Variants in HS6ST3 observed in about 807,000 individuals in gnomAD.
The protein encoded by HS6ST3 is heparan sulfate 6-O-sulfotransferase 3, also known as heparan-sulfate 6-O-sulfotransferase 3.
HS6ST3 carries 12 observed loss-of-function variants against 36.7 expected under a neutral mutation model. The ratio of observed to expected loss-of-function variants is 0.33; its 90% CI spans 0.21 to 0.53. HS6ST3 has a LOEUF of 0.53. Among genes scored for constraint, HS6ST3 ranks in the 20% least tolerant of loss-of-function variants. The pLI is 0.95. For synonymous variants in HS6ST3, 240 were observed against 257.5 expected, an observed-to-expected ratio of 0.93 and a Z score of 0.65; for missense variants, 584 against 640.9, an observed-to-expected ratio of 0.91 and a Z score of 0.96.
At chr13:96,424,097 A>T (rs1407039294) in intron 1 of HS6ST3, among the ~76,000 whole-genome samples, 1 of 152,240 alleles carries the variant, frequency 6.6e-6, no homozygotes, top group African/African-American at 2.4e-5. Flanking sequence ...TAGCTAGTTC[A>T]GTAATATGAA....
chr13:96,283,124 G>C (rs2054783728), intron 1 of HS6ST3, among the ~76,000 whole-genome samples: 1 of 152,162 alleles, frequency 6.6e-6, no homozygotes, highest in Non-Finnish European at 1.5e-5. Context: ...GTTGATGATG[G>C]TGATGCAGAG....
intron 1 of HS6ST3, among the ~76,000 whole-genome samples, chr13:96,797,884 T>A (rs1877951330): frequency 6.6e-6 from 1 of 151,946 alleles, no homozygotes; most frequent in African/African-American, 2.4e-5. Context: ...TACCTGAAGA[T>A]AGCATCAGAT....
intron 1 of HS6ST3, among the ~76,000 whole-genome samples, chr13:96,243,591 G>A (rs2054571511): frequency 6.6e-6 from 1 of 152,184 alleles, no homozygotes; most frequent in Non-Finnish European, 1.5e-5. Flanking sequence ...GCTGCTGTGT[G>A]TGTCATTAGA....
At chr13:96,101,589 A>G (rs2053818597) in intron 1 of HS6ST3, among the ~76,000 whole-genome samples, 2 of 152,074 alleles carry the variant, frequency 1.3e-5, no homozygotes, top group African/African-American at 4.8e-5. Context: ...CCCTCAATTC[A>G]CTGCTTGAAT....
At chr13:96,146,553 T>G (rs950598074) in intron 1 of HS6ST3, among the ~76,000 whole-genome samples, 2 of 152,186 alleles carry the variant, frequency 1.3e-5, no homozygotes, top group Non-Finnish European at 2.9e-5. Context: ...TTCAAAGACA[T>G]TACACAGAAA....
rs776500856 is a variant in HS6ST3, at chr13:96,439,467, T to C, written c.707+347898T>C. 2.0e-5 allele frequency among the ~76,000 whole-genome samples: 3 copies of C among 152,328 alleles called. No homozygotes were observed. The South Asian group carries it at 6.2e-4, about 32-fold the overall frequency. On this transcript the variant is annotated intron_variant, in intron 1 of 1. Transcript: ENST00000376705. ...GTTCAAAGCAATTCAAATAAATTAA[T>C]TGTAAATCACAGCGAGGAGACAGCA...
intron 1 of HS6ST3, among the ~76,000 whole-genome samples, chr13:96,811,659 C>A (rs1204615367): frequency 6.6e-6 from 1 of 152,126 alleles, no homozygotes; most frequent in Non-Finnish European, 1.5e-5. Flanking sequence ...TAGGAGACCT[C>A]ATTAAAAACA....
At chr13:96,665,187 T>G (rs2056659480) in intron 1 of HS6ST3, among the ~76,000 whole-genome samples, 1 of 151,936 alleles carries the variant, frequency 6.6e-6, no homozygotes, top group South Asian at 2.1e-4. Flanking sequence ...AATAAATAAA[T>G]AAATAAACAA....
intron 1 of HS6ST3, among the ~76,000 whole-genome samples, chr13:96,760,017 A>C (rs1415794188): frequency 6.6e-6 from 1 of 151,956 alleles, no homozygotes; most frequent in Non-Finnish European, 1.5e-5. Flanking sequence ...GTTGTTTATC[A>C]TTTAAAGATT....
chr13:96,729,513 G>C (rs982424856), intron 1 of HS6ST3, among the ~76,000 whole-genome samples: 1 of 152,140 alleles, frequency 6.6e-6, no homozygotes, highest in Admixed American at 6.5e-5. Context: ...CTGGAGTGCA[G>C]TGGCCCGATC....
intron 1 of HS6ST3, among the ~76,000 whole-genome samples, chr13:96,347,034 A>G (rs1293199421): frequency 6.6e-6 from 1 of 152,110 alleles, no homozygotes; most frequent in East Asian, 1.9e-4. Context: ...GCAAATAACT[A>G]CATAGGCAGG....
chr13:96,474,527 C>T (rs539037018), intron 1 of HS6ST3, among the ~76,000 whole-genome samples: 1 of 152,304 alleles, frequency 6.6e-6, no homozygotes, highest in East Asian at 1.9e-4. Flanking sequence ...ATTATACAAT[C>T]AGTATGCATT....
chr13:96,662,558 C>T (rs1054838398), intron 1 of HS6ST3, among the ~76,000 whole-genome samples: 3 of 150,524 alleles, frequency 2.0e-5, no homozygotes, highest in Admixed American at 6.6e-5. Context: ...TGGTTTTCAG[C>T]TTTCTCTTGG....
chr13:96,195,122 A>G (rs553001200), intron 1 of HS6ST3, among the ~76,000 whole-genome samples: 3 of 152,342 alleles, frequency 2.0e-5, no homozygotes, highest in African/African-American at 7.2e-5. Context: ...TACTAGTTCA[A>G]GATTTGTCTG....
At chr13:96,370,885 G>A (rs977090984) in intron 1 of HS6ST3, among the ~76,000 whole-genome samples, 2 of 152,184 alleles carry the variant, frequency 1.3e-5, no homozygotes, top group East Asian at 3.9e-4. Context: ...GTGACGGAGC[G>A]AGACACCGTA....
chr13:96,396,421 TTCTA>T (rs2055421807), intron 1 of HS6ST3, among the ~76,000 whole-genome samples: 1 of 152,248 alleles, frequency 6.6e-6, no homozygotes, highest in South Asian at 2.1e-4. Context: ...CTTTGAAAAA[TTCTA>T]TCTTTCTAGA....
At chr13:96,628,906 A>G (rs193299049) in intron 1 of HS6ST3, among the ~76,000 whole-genome samples, 1 of 152,060 alleles carries the variant, frequency 6.6e-6, no homozygotes, top group African/African-American at 2.4e-5. Context: ...GTGAATCCGT[A>G]TATGTGTGTG....
intron 1 of HS6ST3, among the ~76,000 whole-genome samples, chr13:96,672,587 C>T (rs1229201985): frequency 6.6e-6 from 1 of 152,092 alleles, no homozygotes; most frequent in Admixed American, 6.6e-5. Flanking sequence ...TATGTTGGAT[C>T]CCCCACCTCC....
chr13:96,451,255 G>A (rs575603420), intron 1 of HS6ST3, among the ~76,000 whole-genome samples: 1 of 152,070 alleles, frequency 6.6e-6, no homozygotes, highest in East Asian at 1.9e-4. Context: ...ATCCAATGAT[G>A]TTGATATAGA....
Sources: allele counts gnomAD v4.1 joint callset (sites outside exome capture counted in the v4.1 genomes callset), GRCh38; gene constraint gnomAD v4.1.1; transcripts MANE v1.5; gene names NCBI Gene and HGNC (gene_info 2026-07-23, HGNC 2026-07-21).